Variants in ROBO1 observed in about 807,000 individuals in gnomAD.
ROBO1 encodes the protein roundabout homolog 1.
In ROBO1, 149 loss-of-function variants were observed where a neutral mutation model predicts 195.9. The ratio of observed to expected loss-of-function variants is 0.76; its 90% CI spans 0.67 to 0.87. The LOEUF (loss-of-function observed/expected upper bound fraction) is 0.87. Ranked by LOEUF, ROBO1 falls within the 40% of genes least tolerant of loss-of-function variation. The pLI is 0.00. For synonymous variants in ROBO1, 816 were observed against 733.2 expected, an observed-to-expected ratio of 1.11 and a Z score of -1.82; for missense variants, 1,933 against 2,068.3, an observed-to-expected ratio of 0.93 and a Z score of 1.27.
chr3:79,617,574 G>A (rs533591229), intron 1 of ROBO1, among the ~76,000 whole-genome samples: 33 of 152,150 alleles, frequency 2.2e-4, no homozygotes, highest in Middle Eastern at 6.8e-3. Flanking sequence ...GTATGAAGAA[G>A]TGAAAGCAAA....
intron 2 of ROBO1, among the ~76,000 whole-genome samples, chr3:79,250,784 G>A (rs780856162): frequency 1.6e-4 from 25 of 152,116 alleles, no homozygotes; most frequent in Admixed American, 5.9e-4. Flanking sequence ...GGCCAGGCGC[G>A]TTGGCTCACA....
intron 2 of ROBO1, among the ~76,000 whole-genome samples, chr3:79,186,018 C>T (rs1334333678): frequency 6.6e-6 from 1 of 151,914 alleles, no homozygotes; most frequent in Non-Finnish European, 1.5e-5. Flanking sequence ...TTTAAGTTCC[C>T]CAAGCCCTTT....
chr3:79,062,675 AG>A (rs1462073880), intron 3 of ROBO1, among the ~76,000 whole-genome samples: 1 of 152,138 alleles, frequency 6.6e-6, no homozygotes, highest in Non-Finnish European at 1.5e-5. Flanking sequence ...GCCATAAAAA[AG>A]AATGAGTTCT....
intron 17 of ROBO1, among the ~76,000 whole-genome samples, chr3:78,658,756 C>A (rs1707196870): frequency 6.6e-6 from 1 of 152,096 alleles, no homozygotes; most frequent in African/African-American, 2.4e-5. Flanking sequence ...AATATAGTTT[C>A]AATACATAAC....
intron 3 of ROBO1, among the ~76,000 whole-genome samples, chr3:78,997,646 T>A (rs528525653): frequency 3.9e-5 from 6 of 152,042 alleles, no homozygotes; most frequent in African/African-American, 1.4e-4. Flanking sequence ...CACAGTGTAA[T>A]TGACACATTC....
At chr3:79,553,888 T>A (rs1021773977) in intron 2 of ROBO1, among the ~76,000 whole-genome samples, 1 of 152,098 alleles carries the variant, frequency 6.6e-6, no homozygotes, top group Non-Finnish European at 1.5e-5. Context: ...TATAAATTAG[T>A]TCTTATTCCA....
chr3:78,996,590 C>T (rs541508533), intron 3 of ROBO1, among the ~76,000 whole-genome samples: 112 of 152,158 alleles, frequency 7.4e-4, no homozygotes, highest in African/African-American at 2.6e-3. Context: ...ATTTAGTCGA[C>T]AAGGAACGGC....
intron 2 of ROBO1, among the ~76,000 whole-genome samples, chr3:79,581,808 T>G (rs2107790812): frequency 6.6e-6 from 1 of 152,248 alleles, no homozygotes; most frequent in Non-Finnish European, 1.5e-5. Context: ...AAAAAATTAC[T>G]GTTTCAATAA....
At chr3:79,224,448 A>C (rs1386745444) in intron 2 of ROBO1, among the ~76,000 whole-genome samples, 1 of 152,180 alleles carries the variant, frequency 6.6e-6, no homozygotes, top group East Asian at 1.9e-4. Flanking sequence ...TAGTTTTGAA[A>C]ATTAAACCAA....
At chr3:79,071,040 A>G (rs2108435544) in intron 3 of ROBO1, among the ~76,000 whole-genome samples, 1 of 151,936 alleles carries the variant, frequency 6.6e-6, no homozygotes, top group Admixed American at 6.6e-5. Context: ...TACTGTATGC[A>G]TTACCTCACC....
intron 4 of ROBO1, among the ~76,000 whole-genome samples, chr3:78,755,350 A>T (rs2082902277): frequency 6.6e-6 from 1 of 152,058 alleles, no homozygotes; most frequent in Non-Finnish European, 1.5e-5. Context: ...GGTGCTCACC[A>T]GTGGTTCTGG....
intron 10 of ROBO1, among the ~76,000 whole-genome samples, chr3:78,673,888 T>C (rs576058774): frequency 1.3e-5 from 2 of 151,962 alleles, no homozygotes; most frequent in East Asian, 3.9e-4. Flanking sequence ...TTGTCATCCA[T>C]TTACAAACTG....
intron 2 of ROBO1, among the ~76,000 whole-genome samples, chr3:79,565,038 T>A (rs1312096862): frequency 6.6e-6 from 1 of 152,134 alleles, no homozygotes; most frequent in Non-Finnish European, 1.5e-5. Flanking sequence ...ATCATGTGAA[T>A]ATGCACTTAT....
intron 2 of ROBO1, among the ~76,000 whole-genome samples, chr3:79,229,656 C>T (rs1325298472): frequency 6.6e-6 from 1 of 151,978 alleles, no homozygotes; most frequent in African/African-American, 2.4e-5. Context: ...CTTTATTGCC[C>T]AGGCTGATCT....
chr3:79,601,369 A>G (rs1944334204), intron 1 of ROBO1, among the ~76,000 whole-genome samples: 1 of 152,048 alleles, frequency 6.6e-6, no homozygotes, highest in Admixed American at 6.6e-5. Flanking sequence ...TTCGTGTGCA[A>G]AACAGACATT....
At chr3:78,626,908 T>C (rs1258658444) in intron 26 of ROBO1, among the ~76,000 whole-genome samples, 1 of 152,144 alleles carries the variant, frequency 6.6e-6, no homozygotes, top group African/African-American at 2.4e-5. Flanking sequence ...GAATACATTA[T>C]TATGTAAACT....
At chr3:79,451,311 T>C (rs2039435909) in intron 2 of ROBO1, among the ~76,000 whole-genome samples, 1 of 152,006 alleles carries the variant, frequency 6.6e-6, no homozygotes, top group Admixed American at 6.6e-5. Flanking sequence ...AAATGAATAA[T>C]GGATATATAA....
intron 2 of ROBO1, among the ~76,000 whole-genome samples, chr3:79,310,832 A>G (rs2033452080): frequency 6.6e-6 from 1 of 152,220 alleles, no homozygotes; most frequent in East Asian, 1.9e-4. Context: ...AATAGTTGTA[A>G]TGCATTTTCT....
chr3:78,602,498 A>C (rs1288881601), intron 29 of ROBO1, among the ~76,000 whole-genome samples: 1 of 152,194 alleles, frequency 6.6e-6, no homozygotes, highest in Admixed American at 6.5e-5. Flanking sequence ...TAGAAATGCA[A>C]GAATGGCTTA....
Sources: allele counts gnomAD v4.1 joint callset (sites outside exome capture counted in the v4.1 genomes callset), GRCh38; gene constraint gnomAD v4.1.1; transcripts MANE v1.5; gene names NCBI Gene and HGNC (gene_info 2026-07-23, HGNC 2026-07-21).